DOCK1: variants seen among roughly 807,000 people sequenced by gnomAD.
DOCK1 encodes dedicator of cytokinesis 1.
In DOCK1, 138 loss-of-function variants were observed where a neutral mutation model predicts 262.7. The ratio of observed to expected loss-of-function variants is 0.53; its 90% CI spans 0.46 to 0.61. DOCK1 has a LOEUF of 0.61. DOCK1 is among the 20% of genes least tolerant of loss of function. The probability of loss-of-function intolerance (pLI) is 0.00; values close to 1 mark genes in which losing one functional copy is unlikely to be tolerated. For missense variants in DOCK1, 1,908 were observed against 2,370.7 expected (o/e 0.80, Z 4.05); for synonymous variants, 866 against 867.4 (o/e 1.00, Z 0.03).
intron 27 of DOCK1, among the ~76,000 whole-genome samples, chr10:127,220,153 C>A (rs2058371406): frequency 6.6e-6 from 1 of 151,716 alleles, no homozygotes; most frequent in Admixed American, 6.6e-5. Context: ...TAGATTGACC[C>A]CTCTTGTGTC....
chr10:127,222,107 G>A (rs1001167318), intron 27 of DOCK1, among the ~76,000 whole-genome samples: 2 of 152,148 alleles, frequency 1.3e-5, no homozygotes, highest in Non-Finnish European at 2.9e-5. Context: ...TAATAGCGTC[G>A]TTCATTGCTT....
chr10:126,937,310 C>T (rs889539805), intron 1 of DOCK1, among the ~76,000 whole-genome samples: 4 of 152,174 alleles, frequency 2.6e-5, no homozygotes, highest in Non-Finnish European at 5.9e-5. Context: ...GTACAAATAT[C>T]TCTTCAAGAC....
intron 10 of DOCK1, among the ~76,000 whole-genome samples, chr10:127,002,088 T>A (rs2040635943): frequency 1.3e-5 from 2 of 152,250 alleles, no homozygotes; most frequent in Admixed American, 1.3e-4. Flanking sequence ...TAGCATCTTT[T>A]ACATGTAATC....
At chr10:127,018,619 A>C in intron 12 of DOCK1, 91 bp from the exon 13 acceptor site, 1 of 1,578,022 alleles carries the variant, frequency 6.3e-7, no homozygotes, top group Admixed American at 1.8e-5. Flanking sequence ...TTGTGAATTA[A>C]AAGTCTCTCA....
At position 126,990,951 on chromosome 10, in the gene DOCK1, C is replaced by T. The variant is rs776192017; in HGVS notation, c.473+348C>T. ...GACTTTGAGTCCAGATCTGGGGGGC[C>T]TTGCATAGTGACAAGCAACAGGTTT... On this transcript the variant is annotated intron_variant, in intron 6 of 51. Coordinates refer to ENST00000623213, the MANE Select transcript of DOCK1 (RefSeq NM_001290223.2). 3.8e-4 allele frequency among the ~76,000 whole-genome samples: 58 copies of T among 152,288 alleles called. 1 individual carries two copies. The highest frequency in any genetic ancestry group is 1.3e-4 in the Non-Finnish European group (9 of 68,024).
intron 2 of DOCK1, among the ~76,000 whole-genome samples, chr10:126,974,078 AAG>A (rs1193036886): frequency 6.6e-6 from 1 of 152,214 alleles, no homozygotes; most frequent in Non-Finnish European, 1.5e-5. Flanking sequence ...TGGAAGTGGA[AAG>A]AGCTTTGAGA....
intron 38 of DOCK1, among the ~76,000 whole-genome samples, chr10:127,389,645 G>T (rs1045302677): frequency 2.0e-5 from 3 of 152,108 alleles, no homozygotes; most frequent in African/African-American, 7.2e-5. Flanking sequence ...AGGTGATTGG[G>T]TCATAAGGGT....
chr10:127,228,096 G>A (rs115178584), intron 27 of DOCK1, among the ~76,000 whole-genome samples: 2,015 of 152,210 alleles, frequency 0.013, 52 homozygotes, highest in African/African-American at 0.046. Flanking sequence ...AAATCAAAAC[G>A]ATTTTCCATC....
At chr10:126,935,613 G>T (rs1382773020) in intron 1 of DOCK1, among the ~76,000 whole-genome samples, 2 of 152,154 alleles carry the variant, frequency 1.3e-5, no homozygotes, top group Non-Finnish European at 2.9e-5. Flanking sequence ...CCTTCCTTCC[G>T]CCTCTCTCCT....
intron 23 of DOCK1, among the ~76,000 whole-genome samples, chr10:127,089,367 A>C (rs1050334794): frequency 6.7e-6 from 1 of 149,230 alleles, no homozygotes; most frequent in Admixed American, 6.7e-5. Flanking sequence ...CAGACCCCCT[A>C]CCCCTCGGGC....
At chr10:127,302,338 G>A (rs2061710221) in intron 29 of DOCK1, among the ~76,000 whole-genome samples, 1 of 152,112 alleles carries the variant, frequency 6.6e-6, no homozygotes, top group African/African-American at 2.4e-5. Flanking sequence ...CTGGACTACA[G>A]GAGAGACCAG....
chr10:127,134,879 A>G (rs2050556781), intron 27 of DOCK1, among the ~76,000 whole-genome samples: 1 of 152,160 alleles, frequency 6.6e-6, no homozygotes, highest in Non-Finnish European at 1.5e-5. Context: ...CAGGTGAGGC[A>G]AACACCAGCC....
At chr10:126,998,973 G>C (rs2040402315) in intron 8 of DOCK1, among the ~76,000 whole-genome samples, 1 of 152,080 alleles carries the variant, frequency 6.6e-6, no homozygotes, top group Admixed American at 6.5e-5. Context: ...GTTTCCTCTT[G>C]ACATAGGATG....
At chr10:127,255,711 A>G (rs2059806539) in intron 28 of DOCK1, among the ~76,000 whole-genome samples, 2 of 152,230 alleles carry the variant, frequency 1.3e-5, no homozygotes, top group Admixed American at 6.5e-5. Context: ...GAAAAGAAAG[A>G]GAATTGGGAA....
At chr10:127,183,926 T>C (rs1197709009) in intron 27 of DOCK1, among the ~76,000 whole-genome samples, 1 of 152,198 alleles carries the variant, frequency 6.6e-6, no homozygotes, top group African/African-American at 2.4e-5. Flanking sequence ...CTGTGCATGA[T>C]AATAAGTAGC....
chr10:127,074,126 C>G (rs1292975170), intron 23 of DOCK1, among the ~76,000 whole-genome samples: 1 of 152,108 alleles, frequency 6.6e-6, no homozygotes, highest in South Asian at 2.1e-4. Flanking sequence ...TGAATACTTG[C>G]AAAATTTCAT....
intron 27 of DOCK1, among the ~76,000 whole-genome samples, chr10:127,142,274 A>C (rs2051337180): frequency 6.6e-6 from 1 of 152,138 alleles, no homozygotes; most frequent in Non-Finnish European, 1.5e-5. Flanking sequence ...CGGGGCTCCA[A>C]ACCTTGTTGT....
chr10:127,195,559 T>C (rs2134162600), intron 27 of DOCK1, among the ~76,000 whole-genome samples: 1 of 151,048 alleles, frequency 6.6e-6, no homozygotes, highest in African/African-American at 2.4e-5. Flanking sequence ...ACTTGTACTT[T>C]CCAGGGCGCT....
chr10:127,374,466 G>T (rs74855528), intron 35 of DOCK1, among the ~76,000 whole-genome samples: 1 of 152,120 alleles, frequency 6.6e-6, no homozygotes, highest in East Asian at 1.9e-4. Flanking sequence ...ATGACTCACC[G>T]TATCTTGCAG....
Sources: gnomAD v4.1 joint callset for allele counts (sites outside exome capture counted in the v4.1 genomes callset) on GRCh38, gnomAD v4.1.1 for gene constraint, MANE v1.5 for transcripts, NCBI Gene and HGNC (gene_info 2026-07-23, HGNC 2026-07-21) for gene names.